Variants in TAX1BP1 observed in about 807,000 individuals in gnomAD.
TAX1BP1 encodes the protein Tax1 binding protein 1.
In TAX1BP1, 62 loss-of-function variants were observed where a neutral mutation model predicts 97.7. The ratio of observed to expected loss-of-function variants is 0.63; its 90% CI spans 0.52 to 0.78. The LOEUF is 0.78. Among genes scored for constraint, TAX1BP1 ranks in the 30% least tolerant of loss-of-function variants. TAX1BP1 has a pLI of 0.00. For missense variants in TAX1BP1, 867 were observed against 916.1 expected (o/e 0.95, Z 0.69); for synonymous variants, 340 against 304.2 (o/e 1.12, Z -1.23).
At chr7:27,755,388 T>G (rs1788175259) in intron 2 of TAX1BP1, among the ~76,000 whole-genome samples, 1 of 152,114 alleles carries the variant, frequency 6.6e-6, no homozygotes, top group Admixed American at 6.6e-5. Context: ...AGTCCCCTCT[T>G]CTCTATTTCT....
chr7:27,747,407 C>CT (rs1562694970), intron 1 of TAX1BP1, among the ~76,000 whole-genome samples: 1 of 152,022 alleles, frequency 6.6e-6, no homozygotes, highest in Admixed American at 6.5e-5. Context: ...TCATGAATCT[C>CT]TAAGAGATTT....
At chr7:27,742,678 G>A (rs1787667919) in intron 1 of TAX1BP1, among the ~76,000 whole-genome samples, 1 of 152,176 alleles carries the variant, frequency 6.6e-6, no homozygotes, top group Non-Finnish European at 1.5e-5. Context: ...ATGTTGGTCA[G>A]GCTAGTGTCG....
intron 3 of TAX1BP1, among the ~76,000 whole-genome samples, chr7:27,760,045 G>T (rs1788364235): frequency 6.6e-6 from 1 of 151,832 alleles, no homozygotes; most frequent in African/African-American, 2.4e-5. Flanking sequence ...ATGGAGACGG[G>T]GTTTTGCCAT....
In TAX1BP1 at chr7:27,793,083, G is replaced by A; in HGVS notation, c.1281G>A (p.Leu427=). The A allele has an allele frequency of 1.2e-6, 2 of 1,600,076 alleles. No individual in the cohort carries two copies. Among genetic ancestry groups the A allele is most frequent in the African/African-American group, 2.7e-5 (2 of 73,736 alleles). ...CTTTCTAGGACAAGACTGATACACTGGAACACGAACTAAGAAGAGAAGTTG... is the reference window on the plus strand; with the variant it reads ...CTTTCTAGGACAAGACTGATACACTAGAACACGAACTAAGAAGAGAAGTTG... The part of the protein sequence containing the change: ...MKKDQDKTDT[L]EHELRREVED... Residue 427 remains leucine (L), a synonymous_variant, in exon 10 of 17, where the codon CTG becomes CTA. Transcript: ENST00000396319.
At chr7:27,766,419 C>CAAAAAAAAAAAAAAAA (rs201297532) in intron 4 of TAX1BP1, among the ~76,000 whole-genome samples, 2 of 76,886 alleles carry the variant, frequency 2.6e-5, no homozygotes, top group Non-Finnish European at 4.9e-5. Flanking sequence ...GACTCCGTAT[C>CAAAAAAAAAAAAAAAA]AAAAAAAAAA....
At position 27,781,475 on chromosome 7, in the gene TAX1BP1, T is replaced by C. The variant is rs138018572; in HGVS notation, c.613-3688T>C. Among the ~76,000 whole-genome samples, 182 of 152,290 alleles carry C rather than the reference T, an allele frequency of 1.2e-3. 2 individuals are homozygous for C. Among genetic ancestry groups the C allele is most frequent in the African/African-American group, 4.1e-3 (171 of 41,554 alleles). ...AGTTGTAACACATGGTAAATATTTG[T>C]GTATCTAAACATATCTAGATATCTT... On this transcript the variant is annotated intron_variant, in intron 5 of 16. Coordinates refer to ENST00000396319, the MANE Select transcript of TAX1BP1 (RefSeq NM_006024.7).
At chr7:27,759,594 T>A (rs1422617603) in intron 3 of TAX1BP1, among the ~76,000 whole-genome samples, 3 of 147,922 alleles carry the variant, frequency 2.0e-5, no homozygotes, top group African/African-American at 7.4e-5. Context: ...CCTTTATGTT[T>A]AAAAAAAAAA....
At chr7:27,812,113 G>T (rs1790581572) in intron 13 of TAX1BP1, among the ~76,000 whole-genome samples, 1 of 152,128 alleles carries the variant, frequency 6.6e-6, no homozygotes, top group Admixed American at 6.6e-5. Flanking sequence ...ATTCCCACTG[G>T]CAGTGTATGA....
chr7:27,764,760 T>TA (rs1398523318), intron 3 of TAX1BP1, among the ~76,000 whole-genome samples: 6 of 151,988 alleles, frequency 3.9e-5, no homozygotes, highest in African/African-American at 1.2e-4. Flanking sequence ...AGTTGATCAT[T>TA]ACGTTAGAAA....
At chr7:27,806,300 G>T (rs1218846825) in intron 13 of TAX1BP1, among the ~76,000 whole-genome samples, 1 of 151,748 alleles carries the variant, frequency 6.6e-6, no homozygotes, top group African/African-American at 2.4e-5. Context: ...TGGCTAGGCT[G>T]GTCTCAAACT....
At chr7:27,748,780 C>T in intron 2 of TAX1BP1, 94 bp downstream of exon 2, 1 of 903,856 alleles carries the variant, frequency 1.1e-6, no homozygotes, top group Non-Finnish European at 1.5e-6. Flanking sequence ...CTTAACTCTG[C>T]ATTAAGACTC....
chr7:27,746,562 T>G (rs1423405894), intron 1 of TAX1BP1, among the ~76,000 whole-genome samples: 1 of 152,154 alleles, frequency 6.6e-6, no homozygotes, highest in Admixed American at 6.6e-5. Context: ...TAGGCAGAGT[T>G]CTCCAGTGTT....
At chr7:27,777,041 T>C (rs1789059968) in intron 5 of TAX1BP1, among the ~76,000 whole-genome samples, 1 of 152,188 alleles carries the variant, frequency 6.6e-6, no homozygotes, top group Non-Finnish European at 1.5e-5. Flanking sequence ...TGTGTTCAAT[T>C]TTCTTCTAGC....
rs761698687 is a variant in TAX1BP1, at chr7:27,769,844, G to A, written c.612+10G>A. ...GCAAGCAGAACAAAAGGTTAGTTGT[G>A]TCTTATGTAACTGATTGAAGTTGAT... On this transcript the variant is annotated intron_variant, in intron 5 of 16. Coordinates refer to ENST00000396319, the MANE Select transcript of TAX1BP1 (RefSeq NM_006024.7). 8.7e-6 allele frequency: 14 copies of A among 1,610,774 alleles called. No individual in the cohort carries two copies. Among genetic ancestry groups the A allele is most frequent in the Admixed American group, 1.7e-5 (1 of 59,774 alleles).
chr7:27,775,132 A>G (rs1006668182), intron 5 of TAX1BP1, among the ~76,000 whole-genome samples: 4 of 152,182 alleles, frequency 2.6e-5, no homozygotes, highest in Non-Finnish European at 5.9e-5. Context: ...CTGAGAAGCT[A>G]TGGTTATACA....
intron 15 of TAX1BP1, 141 bp downstream of exon 15, chr7:27,817,179 A>G (rs1185043305): frequency 3.0e-6 from 3 of 1,003,396 alleles, no homozygotes; most frequent in Non-Finnish European, 2.8e-6. Context: ...GTGCCTGCAC[A>G]CAATTGCCTA....
chr7:27,793,489 T>C (rs1036042480), intron 10 of TAX1BP1, among the ~76,000 whole-genome samples: 9 of 152,216 alleles, frequency 5.9e-5, no homozygotes, highest in African/African-American at 2.2e-4. Context: ...GATAAATATC[T>C]GTCACTCAAA....
chr7:27,785,461 CAG>C lies in TAX1BP1; in HGVS notation c.828_829del (p.Lys277GlyfsTer2). On this transcript the variant is annotated frameshift_variant, in exon 7 of 17. Transcript: ENST00000396319. LOFTEE classifies it high-confidence loss of function. The stretch of plus-strand genomic sequence containing the variant: ...GAACAACTTGAATGTCAGTTGAAGA[CAG>C]AGAAGGATGAAAAGGAACTTTATAA... 1 of 1,612,842 alleles carries C rather than the reference CAG, an allele frequency of 6.2e-7. No individual in the cohort carries two copies. The highest frequency in any genetic ancestry group is 8.5e-7 in the Non-Finnish European group (1 of 1,179,696).
intron 13 of TAX1BP1, among the ~76,000 whole-genome samples, chr7:27,809,344 C>T (rs7801301): frequency 0.74 from 112,822 of 152,186 alleles, 42,617 homozygotes; most frequent in African/African-American, 0.87. Flanking sequence ...TTACAGGTAC[C>T]ACAACCATTA....
Sources: gnomAD v4.1 joint callset for allele counts (sites outside exome capture counted in the v4.1 genomes callset) on GRCh38, gnomAD v4.1.1 for gene constraint, MANE v1.5 for transcripts, NCBI Gene and HGNC (gene_info 2026-07-23, HGNC 2026-07-21) for gene names.